The following NMI variants were observed in gnomAD, a reference collection of about 807,000 sequenced individuals.
The protein encoded by NMI is N-myc and STAT interactor.
Under a neutral mutation model 34.3 loss-of-function variants are expected in NMI, and 39 were observed. The observed-to-expected ratio is 1.14, with a 90% CI of 0.88 to 1.49. The LOEUF is 1.49. Among genes scored for constraint, NMI ranks in the 40% most tolerant of loss-of-function variants. The probability of loss-of-function intolerance (pLI) is 0.00; values close to 1 mark genes in which losing one functional copy is unlikely to be tolerated. For synonymous variants in NMI, 113 were observed against 120.3 expected (o/e 0.94, Z 0.40); for missense variants, 339 against 358.1 (o/e 0.95, Z 0.43).
At chr2:151,283,391 G>A (rs911235149) in intron 1 of NMI, among the ~76,000 whole-genome samples, 4 of 151,914 alleles carry the variant, frequency 2.6e-5, no homozygotes, top group East Asian at 3.9e-4. Flanking sequence ...CACCCCCCTC[G>A]GCCTCCCAAA....
At chr2:151,272,804 C>T (rs1683210818) in intron 6 of NMI, among the ~76,000 whole-genome samples, 1 of 152,078 alleles carries the variant, frequency 6.6e-6, no homozygotes, top group African/African-American at 2.4e-5. Flanking sequence ...ACCCTGATAA[C>T]ATTATGCTAA....
intron 6 of NMI, 123 bp downstream of exon 6, chr2:151,275,360 TA>T: frequency 1.1e-6 from 1 of 874,590 alleles, no homozygotes; most frequent in Non-Finnish European, 1.7e-6. Context: ...TAAGGTTTTT[TA>T]AAATCCCCAA....
At chr2:151,274,480 T>C (rs796397084) in intron 6 of NMI, among the ~76,000 whole-genome samples, 21 of 133,670 alleles carry the variant, frequency 1.6e-4, no homozygotes, top group African/African-American at 5.7e-4. Flanking sequence ...AAATGTCTCT[T>C]TTTGTTTTTT....
intron 1 of NMI, among the ~76,000 whole-genome samples, chr2:151,286,733 G>C (rs922472698): frequency 2.0e-5 from 3 of 152,176 alleles, no homozygotes; most frequent in Admixed American, 6.5e-5. Context: ...AGCCCAACAG[G>C]CTTTGTCCAA....
At chr2:151,283,050 T>G (rs1683434737) in intron 1 of NMI, 96 bp from the exon 2 acceptor site, 2 of 541,232 alleles carry the variant, frequency 3.7e-6, no homozygotes, top group Non-Finnish European at 6.2e-6. Flanking sequence ...GGAAGAAACA[T>G]CTCTTCTTTG....
At chr2:151,283,679 G>C (rs1302828526) in intron 1 of NMI, among the ~76,000 whole-genome samples, 2 of 152,132 alleles carry the variant, frequency 1.3e-5, no homozygotes, top group African/African-American at 2.4e-5. Context: ...ACAAAGTCAA[G>C]AGGCCTCCAA....
intron 3 of NMI, among the ~76,000 whole-genome samples, chr2:151,279,267 T>C (rs1683343789): frequency 6.6e-6 from 1 of 152,202 alleles, no homozygotes; most frequent in Non-Finnish European, 1.5e-5. Context: ...CTGTCAATAT[T>C]GTATGGTGTT....
At chr2:151,281,777 T>C (rs1683409878) in intron 3 of NMI, among the ~76,000 whole-genome samples, 171 bp downstream of exon 3, 1 of 152,240 alleles carries the variant, frequency 6.6e-6, no homozygotes, top group Non-Finnish European at 1.5e-5. Context: ...ATTCACTAAT[T>C]CGTTCTACTA....
chr2:151,278,943 T>C lies in NMI; in HGVS notation c.225A>G (p.Glu75=). The change falls in exon 4 of 8, where the codon GAA becomes GAG. Residue 75 remains glutamate, a synonymous_variant. Transcript: ENST00000243346. The part of the protein sequence containing the change: ...PETKMKFLSV[E]TPENDSQLSN... ...ACAACTGGCTGTCATTCTCAGGAGT[T>C]TCAACTGATAAGAATTTCATCTTTG... 6.2e-7 allele frequency: 1 copy of C among 1,611,276 alleles called. No individual in the cohort carries two copies. The highest frequency in any genetic ancestry group is 2.2e-5 in the East Asian group (1 of 44,788).
At chr2:151,283,672 A>C (rs973288449) in intron 1 of NMI, among the ~76,000 whole-genome samples, 6 of 152,206 alleles carry the variant, frequency 3.9e-5, no homozygotes, top group Non-Finnish European at 8.8e-5. Context: ...AATGTAAACA[A>C]AGTCAAGAGG....
Position 151,270,751 on chromosome 2 carries a change from T to A in NMI, c.866A>T (p.Glu289Val). 6.2e-7 allele frequency: 1 copy of A among 1,614,024 alleles called. No individual in the cohort carries two copies. The highest frequency in any genetic ancestry group is 8.5e-7 in the Non-Finnish European group (1 of 1,179,934). ...HFQRAKNGGG[E>V]VDVVKCSLGQ... ...TAGAGAACACTTGACCACATCTACTTCTCCACCTCCATTCTTTGCCCGTTG... is the reference window on the plus strand; with the variant it reads ...TAGAGAACACTTGACCACATCTACTACTCCACCTCCATTCTTTGCCCGTTG... Residue 289 changes from glutamate (E) to valine (V), a missense_variant, in exon 8 of 8, where the codon GAA (glutamate) becomes GTA (valine). By Grantham distance (121) the Glu-to-Val change is moderately radical (BLOSUM62 -2). Coordinates refer to ENST00000243346, the MANE Select transcript of NMI (RefSeq NM_004688.3).
intron 2 of NMI, 37 bp from the exon 3 acceptor site, chr2:151,282,080 G>A: frequency 3.3e-6 from 3 of 901,692 alleles, no homozygotes; most frequent in Non-Finnish European, 5.4e-6. Flanking sequence ...AAAGTAAATA[G>A]CCCCTGAACT....
intron 4 of NMI, among the ~76,000 whole-genome samples, chr2:151,277,019 T>C (rs779441519): frequency 1.3e-5 from 2 of 152,196 alleles, no homozygotes; most frequent in Non-Finnish European, 2.9e-5. Context: ...GAGTTTATAA[T>C]ACTGCAGTTG....
rs1023666528 is a variant in NMI at position 151,270,635 on chromosome 2, G to A, written c.*58C>T. 2 of 1,356,732 alleles carry A rather than the reference G, an allele frequency of 1.5e-6. No individual in the cohort carries two copies. The highest frequency in any genetic ancestry group is 2.0e-6 in the Non-Finnish European group (2 of 987,974). The allele number at this position is 1,356,732 out of a possible 1,614,324, so 84.0% of individuals were successfully genotyped here. ...TTTAAGGAAAAGCATATTCATTTTTGTCAAACATTTACAGTAATCCGGGTT... is the reference window on the plus strand; with the variant it reads ...TTTAAGGAAAAGCATATTCATTTTTATCAAACATTTACAGTAATCCGGGTT... On this transcript the variant is annotated 3_prime_UTR_variant, in exon 8 of 8. Transcript: ENST00000243346.
chr2:151,283,921 T>C (rs1683450005), intron 1 of NMI, among the ~76,000 whole-genome samples: 3 of 152,262 alleles, frequency 2.0e-5, no homozygotes, highest in African/African-American at 7.2e-5. Flanking sequence ...GTTGCAGATA[T>C]GCTAAAATAG....
chr2:151,274,294 G>A, intron 6 of NMI, among the ~76,000 whole-genome samples: 1 of 124,000 alleles, frequency 8.1e-6, no homozygotes, highest in East Asian at 2.8e-4. Flanking sequence ...AGTGAGCTGA[G>A]ATAGTGCCAC....
At chr2:151,274,484 G>GT (rs1198618474) in intron 6 of NMI, among the ~76,000 whole-genome samples, 60 of 115,942 alleles carry the variant, frequency 5.2e-4, no homozygotes, top group Non-Finnish European at 6.1e-4. Flanking sequence ...GTCTCTTTTT[G>GT]TTTTTTTTTG....
chr2:151,275,716 T>C (rs1297091002), intron 5 of NMI, 42 bp downstream of exon 5: 2 of 1,609,478 alleles, frequency 1.2e-6, no homozygotes, highest in Non-Finnish European at 1.7e-6. Context: ...GAGAAGTGCT[T>C]GTGATGAACA....
intron 1 of NMI, among the ~76,000 whole-genome samples, chr2:151,289,337 G>A (rs1316514278): frequency 1.3e-5 from 2 of 151,464 alleles, no homozygotes; most frequent in Non-Finnish European, 2.9e-5. Context: ...ATGAAGCAAA[G>A]CAAACAAGTG....
Sources: allele counts gnomAD v4.1 joint callset (sites outside exome capture counted in the v4.1 genomes callset), GRCh38; gene constraint gnomAD v4.1.1; transcripts MANE v1.5; gene names NCBI Gene and HGNC (gene_info 2026-07-23, HGNC 2026-07-21).